KLC1: variants seen among roughly 807,000 people sequenced by gnomAD.
KLC1 encodes kinesin 2 60/70kDa.
In KLC1, 30 loss-of-function variants were observed where a neutral mutation model predicts 84.2. That is an observed-to-expected ratio of 0.36 (90% CI 0.27 to 0.48). The LOEUF is 0.48. Ranked by LOEUF, KLC1 falls within the 20% of genes least tolerant of loss-of-function variation. The probability of loss-of-function intolerance (pLI) is 0.99; values close to 1 mark genes in which losing one functional copy is unlikely to be tolerated. For synonymous variants in KLC1, 289 were observed against 293.3 expected (o/e 0.99, Z 0.15); for missense variants, 499 against 805.4 (o/e 0.62, Z 4.60).
At chr14:103,666,436 C>G (rs1027699358) in intron 5 of KLC1, among the ~76,000 whole-genome samples, 1 of 152,016 alleles carries the variant, frequency 6.6e-6, no homozygotes, top group Non-Finnish European at 1.5e-5. Context: ...GTTTCTGATT[C>G]AGCAGGGCTA....
intron 1 of KLC1, among the ~76,000 whole-genome samples, chr14:103,642,859 C>G (rs2077598727): frequency 6.6e-6 from 1 of 151,630 alleles, no homozygotes; most frequent in Non-Finnish European, 1.5e-5. Context: ...CCTCCACCTC[C>G]CAGGTTCAAG....
At chr14:103,684,650 A>T in intron 13 of KLC1, 1 of 243,598 alleles carries the variant, frequency 4.1e-6, no homozygotes, top group South Asian at 5.4e-5. Flanking sequence ...CCCATTGCCC[A>T]GCTGTCAGCT....
intron 1 of KLC1, among the ~76,000 whole-genome samples, chr14:103,640,384 A>G (rs11629327): frequency 0.93 from 141,491 of 151,812 alleles, 66,163 homozygotes; most frequent in Non-Finnish European, 0.97. Flanking sequence ...TTTTTGAGAC[A>G]GAGTCTCGCG....
chr14:103,696,775 G>A, intron 15 of KLC1: 4 of 985,468 alleles, frequency 4.1e-6, no homozygotes, highest in Non-Finnish European at 4.8e-6. Context: ...AGGCAATGAG[G>A]GTCAGGGCGC....
chr14:103,696,507 A>G, intron 15 of KLC1: 1 of 985,422 alleles, frequency 1.0e-6, no homozygotes, highest in Non-Finnish European at 1.2e-6. Context: ...CATTGTCATA[A>G]CTGTATGGAA....
At chr14:103,659,340 T>G (rs1324994543) in intron 3 of KLC1, among the ~76,000 whole-genome samples, 1 of 152,192 alleles carries the variant, frequency 6.6e-6, no homozygotes, top group African/African-American at 2.4e-5. Flanking sequence ...TTTTAAAAAT[T>G]TTACCCTCCT....
chr14:103,654,790 C>T lies in KLC1; in HGVS notation c.226C>T (p.Leu76=), dbSNP rs1205443566. The stretch of plus-strand genomic sequence containing the variant: ...GAAATCAAACATGATCCGGAAGTCA[C>T]TGGAGATGTTGGAGCTCGGCCTGAG... ...EEKSNMIRKS[L]EMLELGLSEA... Residue 76 remains leucine, a synonymous_variant, in exon 2 of 17, where the codon CTG becomes TTG. Transcript: ENST00000334553. 20 of 1,614,138 alleles carry T rather than the reference C, an allele frequency of 1.2e-5. No homozygotes were observed. Among genetic ancestry groups the T allele is most frequent in the Non-Finnish European group, 1.7e-5 (20 of 1,180,018 alleles).
chr14:103,670,291 A>G lies in KLC1; in HGVS notation c.987+8A>G. On this transcript the variant is annotated splice_region_variant and intron_variant, in intron 7 of 16. Coordinates refer to ENST00000334553, the MANE Select transcript of KLC1 (RefSeq NM_001394837.1). ...CTGGAAATCCGAGAAAAGGTACAAAAGAAGGGGGCAGTCGTTTTCTTTGAG... is the reference window on the plus strand; with the variant it reads ...CTGGAAATCCGAGAAAAGGTACAAAGGAAGGGGGCAGTCGTTTTCTTTGAG... 6.3e-7 allele frequency: 1 copy of G among 1,598,870 alleles called. No individual in the cohort carries two copies. The highest frequency in any genetic ancestry group is 8.6e-7 in the Non-Finnish European group (1 of 1,168,524).
Position 103,701,273 on chromosome 14 carries a change from C to G in KLC1, c.*74C>G. 1 of 1,507,634 alleles carries G rather than the reference C, an allele frequency of 6.6e-7. No homozygotes were observed. Among genetic ancestry groups the G allele is most frequent in the South Asian group, 1.2e-5 (1 of 82,646 alleles). 93.4% of individuals were successfully genotyped at this position (1,507,634 alleles called of 1,614,324 possible). A position where few individuals can be genotyped will look rare whatever the true frequency, so the allele number is the denominator to read the frequency against. On this transcript the variant is annotated 3_prime_UTR_variant, in exon 17 of 17. Transcript: ENST00000334553. ...CGGAGCTGGCCCGGGACAGCCAGGGCGGCAGGGAGGGCCCCTGGCCGGGAG... is the reference window on the plus strand; with the variant it reads ...CGGAGCTGGCCCGGGACAGCCAGGGGGGCAGGGAGGGCCCCTGGCCGGGAG...
intron 15 of KLC1, 95 bp from the exon 16 acceptor site, chr14:103,700,560 C>T: frequency 9.9e-7 from 1 of 1,011,634 alleles, no homozygotes; most frequent in South Asian, 1.4e-5. Flanking sequence ...AGTCCAAGGT[C>T]TGCAGCCACA....
At chr14:103,687,039 G>T (rs1336343800) in intron 13 of KLC1, 42 bp from the exon 14 acceptor site, 1 of 1,485,864 alleles carries the variant, frequency 6.7e-7, no homozygotes, top group African/African-American at 1.4e-5. Context: ...GGGAAGGAGG[G>T]AGAACCACCT....
intron 15 of KLC1, chr14:103,696,094 C>CGGGGGG: frequency 1.6e-5 from 3 of 185,178 alleles, no homozygotes; most frequent in Non-Finnish European, 1.9e-5. Context: ...ATCACTGCGC[C>CGGGGGG]CCCGCCCCCC....
chr14:103,701,200 G>A lies in KLC1; in HGVS notation c.*2-1G>A. 6.4e-7 allele frequency: 1 copy of A among 1,551,016 alleles called. No individual in the cohort carries two copies. The highest frequency in any genetic ancestry group is 1.4e-5 in the African/African-American group (1 of 73,186). On this transcript the variant is annotated splice_acceptor_variant, in intron 16 of 16. Coordinates refer to ENST00000334553, the MANE Select transcript of KLC1 (RefSeq NM_001394837.1). LOFTEE classifies it low-confidence loss of function (3UTR_SPLICE). ...CCCTGACCTTCTATCTTCTCTTGCA[G>A]TGACCCCGACCTGGCCCCGCTCCAG... is the stretch of plus-strand genomic sequence containing the variant.
intron 1 of KLC1, among the ~76,000 whole-genome samples, chr14:103,641,455 G>A (rs1046937720): frequency 2.6e-5 from 4 of 152,170 alleles, no homozygotes; most frequent in Non-Finnish European, 5.9e-5. Context: ...CCACAGTCCT[G>A]GAGGCTGGAA....
intron 1 of KLC1, among the ~76,000 whole-genome samples, chr14:103,631,699 G>T (rs935147466): frequency 9.2e-5 from 14 of 152,160 alleles, no homozygotes; most frequent in African/African-American, 3.4e-4. Flanking sequence ...CCAGGTTCCA[G>T]TGATTCTCCT....
chr14:103,690,431 G>A (rs1299601496), intron 14 of KLC1, among the ~76,000 whole-genome samples: 3 of 152,204 alleles, frequency 2.0e-5, no homozygotes, highest in Non-Finnish European at 4.4e-5. Context: ...TTTTGGTGCA[G>A]TTGTTCGGCA....
At chr14:103,636,889 ATT>A (rs533299003) in intron 1 of KLC1, among the ~76,000 whole-genome samples, 1 of 144,158 alleles carries the variant, frequency 6.9e-6, no homozygotes, top group Admixed American at 7.0e-5. Flanking sequence ...CGCCCAGCTA[ATT>A]TTTTTTTTTG....
intron 1 of KLC1, among the ~76,000 whole-genome samples, chr14:103,634,848 C>T (rs867393635): frequency 6.6e-6 from 1 of 151,938 alleles, no homozygotes; most frequent in African/African-American, 2.4e-5. Flanking sequence ...CCCAAAGTGT[C>T]GGGATTACAG....
chr14:103,635,075 A>G (rs903197553), intron 1 of KLC1, among the ~76,000 whole-genome samples: 4 of 152,214 alleles, frequency 2.6e-5, no homozygotes, highest in East Asian at 1.9e-4. Flanking sequence ...AGCAGTTTGC[A>G]TATATGCTTT....
Sources: gnomAD v4.1 joint callset for allele counts (sites outside exome capture counted in the v4.1 genomes callset) on GRCh38, gnomAD v4.1.1 for gene constraint, MANE v1.5 for transcripts, NCBI Gene and HGNC (gene_info 2026-07-23, HGNC 2026-07-21) for gene names.